Variants in ADGRG7 observed in about 807,000 individuals in gnomAD.
The protein encoded by ADGRG7 is G-protein coupled receptor 128.
ADGRG7 carries 82 observed loss-of-function variants against 88.6 expected under a neutral mutation model. The observed-to-expected ratio is 0.93, with a 90% CI of 0.77 to 1.11. ADGRG7 has a LOEUF of 1.11. Among genes scored for constraint, ADGRG7 ranks in the 50% most tolerant of loss-of-function variants. ADGRG7 has a pLI of 0.00. For synonymous variants in ADGRG7, 381 were observed against 345.2 expected (o/e 1.10, Z -1.15); for missense variants, 945 against 953.4 (o/e 0.99, Z 0.12).
intron 15 of ADGRG7, among the ~76,000 whole-genome samples, chr3:100,678,888 G>C (rs558692778): frequency 6.6e-6 from 1 of 152,328 alleles, no homozygotes; most frequent in South Asian, 2.1e-4. Context: ...CCACCACTGG[G>C]ACTGCGCTGG....
At position 100,655,136 on chromosome 3, in the gene ADGRG7, C is replaced by T. The variant is rs780240149; in HGVS notation, c.1681C>T (p.Pro561Ser). Reference protein sequence around the residue: ...LYYLLIRTMKPLPRHFILFIS... With the variant: ...LYYLLIRTMKSLPRHFILFIS... Reference sequence around the variant, plus strand: ...TTACCTTCTAATAAGGACCATGAAGCCTCTTCCTCGGCATTTCATTCTTTT... The same window carrying T: ...TTACCTTCTAATAAGGACCATGAAGTCTCTTCCTCGGCATTTCATTCTTTT... Residue 561 changes from proline to serine, a missense_variant, in exon 12 of 16, where the codon CCT becomes TCT. Coordinates refer to ENST00000273352, the MANE Select transcript of ADGRG7 (RefSeq NM_032787.3). The T allele has an allele frequency of 6.2e-7, 1 of 1,613,302 alleles. No homozygotes were observed. Among genetic ancestry groups the T allele is most frequent in the Admixed American group, 1.7e-5 (1 of 59,994 alleles).
At chr3:100,689,200 C>G (rs1045566649) in intron 15 of ADGRG7, among the ~76,000 whole-genome samples, 1 of 151,984 alleles carries the variant, frequency 6.6e-6, no homozygotes, top group African/African-American at 2.4e-5. Context: ...GGATTGCAAC[C>G]CCTGCCTTTT....
At chr3:100,692,349 A>AAGATC (rs2149045097) in intron 15 of ADGRG7, among the ~76,000 whole-genome samples, 1 of 152,308 alleles carries the variant, frequency 6.6e-6, no homozygotes, top group South Asian at 2.1e-4. Flanking sequence ...AAACTCCTAG[A>AAGATC]AGATCAATAA....
rs113036249 is a variant in ADGRG7, at chr3:100,611,358, T to C, written c.115+1387T>C. Among the ~76,000 whole-genome samples the C allele has an allele frequency of 6.0e-3, 904 of 151,800 alleles. 7 individuals carry two copies. Among genetic ancestry groups the C allele is most frequent in the African/African-American group, 0.02 (845 of 41,298 alleles). The stretch of plus-strand genomic sequence containing the variant: ...TTCCTTCCCCCCGTTCCTTTTTTCC[T>C]TTATGTAAGCGACATCTATTTTTAA... On this transcript the variant is annotated intron_variant, in intron 1 of 15. Transcript: ENST00000273352.
chr3:100,686,259 T>C (rs980724958), intron 15 of ADGRG7, among the ~76,000 whole-genome samples: 8 of 152,352 alleles, frequency 5.3e-5, no homozygotes, highest in Non-Finnish European at 8.8e-5. Flanking sequence ...GAGTTCATTA[T>C]AGATTCTGGA....
At chr3:100,647,017 T>A (rs1145345) in intron 10 of ADGRG7, among the ~76,000 whole-genome samples, 1 of 151,878 alleles carries the variant, frequency 6.6e-6, no homozygotes, top group East Asian at 1.9e-4. Flanking sequence ...AATTACCAGG[T>A]GTAGTGGTGC....
chr3:100,659,389 G>A (rs1171247673), intron 13 of ADGRG7, among the ~76,000 whole-genome samples: 2 of 137,760 alleles, frequency 1.5e-5, no homozygotes, highest in South Asian at 2.5e-4. Flanking sequence ...GCAGTGAGCC[G>A]AGGTTGCACC....
chr3:100,674,403 T>C (rs927074443), intron 15 of ADGRG7, among the ~76,000 whole-genome samples: 1 of 152,208 alleles, frequency 6.6e-6, no homozygotes, highest in Admixed American at 6.5e-5. Flanking sequence ...TTTTAAAATA[T>C]TGATTTTCCA....
At chr3:100,639,927 G>T (rs1428023436) in intron 6 of ADGRG7, among the ~76,000 whole-genome samples, 3 of 152,134 alleles carry the variant, frequency 2.0e-5, no homozygotes, top group African/African-American at 7.2e-5. Flanking sequence ...ACCTTAAAAT[G>T]GTGTAAGCAT....
chr3:100,680,639 A>T (rs1392003963), intron 15 of ADGRG7, among the ~76,000 whole-genome samples: 1 of 152,120 alleles, frequency 6.6e-6, no homozygotes, highest in Non-Finnish European at 1.5e-5. Context: ...GGGTCAATTT[A>T]GGGATACATT....
At chr3:100,629,210 T>A (rs1290705508) in intron 1 of ADGRG7, among the ~76,000 whole-genome samples, 1 of 152,164 alleles carries the variant, frequency 6.6e-6, no homozygotes, top group Non-Finnish European at 1.5e-5. Context: ...CTAGGTTACC[T>A]CTGTCATCAA....
chr3:100,664,480 T>C (rs2094949396), intron 14 of ADGRG7, among the ~76,000 whole-genome samples: 1 of 152,124 alleles, frequency 6.6e-6, no homozygotes, highest in South Asian at 2.1e-4. Flanking sequence ...AATTAGTGAT[T>C]GATGAACATA....
intron 1 of ADGRG7, among the ~76,000 whole-genome samples, chr3:100,626,566 C>T (rs1707383389): frequency 6.6e-6 from 1 of 152,050 alleles, no homozygotes; most frequent in African/African-American, 2.4e-5. Flanking sequence ...GTGGGCGGAT[C>T]GTGAGGTCAG....
At chr3:100,664,056 A>G (rs1399981851) in intron 14 of ADGRG7, among the ~76,000 whole-genome samples, 2 of 152,116 alleles carry the variant, frequency 1.3e-5, no homozygotes, top group Non-Finnish European at 2.9e-5. Flanking sequence ...CTCGACTGCC[A>G]TGTATTCACC....
rs571547738 is a variant in ADGRG7, at chr3:100,620,048, G to A, written c.116-9550G>A. 7.0e-3 allele frequency among the ~76,000 whole-genome samples: 1,068 copies of A among 152,242 alleles called. 9 individuals are homozygous for A. Among genetic ancestry groups the A allele is most frequent in the African/African-American group, 0.013 (541 of 41,552 alleles). Reference sequence around the variant, plus strand: ...ATAGAAAAAGAGGGAATCCTCCCTAGCTCATTTTATGAGGCCAGCCTCATC... The same window carrying A: ...ATAGAAAAAGAGGGAATCCTCCCTAACTCATTTTATGAGGCCAGCCTCATC... On this transcript the variant is annotated intron_variant, in intron 1 of 15. Coordinates refer to ENST00000273352, the MANE Select transcript of ADGRG7 (RefSeq NM_032787.3).
At chr3:100,612,110 G>T (rs1676343) in intron 1 of ADGRG7, among the ~76,000 whole-genome samples, 47,404 of 151,822 alleles carry the variant, frequency 0.31, 7,796 homozygotes, top group Non-Finnish European at 0.35. Context: ...TTATTTTGAA[G>T]AATCACTCCA....
intron 15 of ADGRG7, among the ~76,000 whole-genome samples, chr3:100,672,162 A>G (rs2094959608): frequency 6.6e-6 from 1 of 152,200 alleles, no homozygotes; most frequent in Non-Finnish European, 1.5e-5. Flanking sequence ...GGCCATTTTC[A>G]TGATATTAAT....
intron 14 of ADGRG7, among the ~76,000 whole-genome samples, chr3:100,663,076 A>G (rs1297426758): frequency 6.6e-6 from 1 of 152,146 alleles, no homozygotes; most frequent in Non-Finnish European, 1.5e-5. Flanking sequence ...ACTAGGAGTC[A>G]GGCAAGCTCA....
rs1559696465 is a variant in ADGRG7, at chr3:100,695,006, TA to T, written c.*9del. The T allele has an allele frequency of 6.2e-7, 1 of 1,611,264 alleles. No homozygotes were observed. Among genetic ancestry groups the T allele is most frequent in the East Asian group, 2.2e-5 (1 of 44,838 alleles). On this transcript the variant is annotated 3_prime_UTR_variant, in exon 16 of 16. Coordinates refer to ENST00000273352, the MANE Select transcript of ADGRG7 (RefSeq NM_032787.3). ...AATGCAAAGGAAAGCATCTAGACAG[TA>T]AAACTTACCTGTTGTGGTCTTTTTA... is the stretch of plus-strand genomic sequence containing the variant.
Sources: gnomAD v4.1 joint callset for allele counts (sites outside exome capture counted in the v4.1 genomes callset) on GRCh38, gnomAD v4.1.1 for gene constraint, MANE v1.5 for transcripts, NCBI Gene and HGNC (gene_info 2026-07-23, HGNC 2026-07-21) for gene names.